The following ARID5B variants were observed in gnomAD, a reference collection of about 807,000 sequenced individuals.
ARID5B encodes the protein AT-rich interactive domain-containing protein 5B.
A neutral mutation model predicts 97.2 loss-of-function variants in ARID5B; 13 were observed. That is an observed-to-expected ratio of 0.13 (90% CI 0.09 to 0.21). The LOEUF (loss-of-function observed/expected upper bound fraction) is 0.21. Among genes scored for constraint, ARID5B ranks in the 10% least tolerant of loss-of-function variants. ARID5B has a pLI of 1.00. For missense variants in ARID5B, 1,210 were observed against 1,465.3 expected, an observed-to-expected ratio of 0.83 and a Z score of 2.84; for synonymous variants, 556 against 570.3, an observed-to-expected ratio of 0.97 and a Z score of 0.36.
chr10:62,057,056 T>C, intron 5 of ARID5B, 61 bp from the exon 6 acceptor site: 2 of 1,538,120 alleles, frequency 1.3e-6, no homozygotes, highest in East Asian at 2.3e-5. Context: ...TCACTAGCTA[T>C]GTCTTGGTAA....
intron 3 of ARID5B, among the ~76,000 whole-genome samples, chr10:61,995,426 T>G (rs903032732): frequency 1.3e-5 from 2 of 152,222 alleles, no homozygotes; most frequent in Non-Finnish European, 2.9e-5. Flanking sequence ...TTGGCTTTAT[T>G]TGTTTCCTGG....
At chr10:61,925,210 A>G (rs765115823) in intron 2 of ARID5B, among the ~76,000 whole-genome samples, 2 of 152,148 alleles carry the variant, frequency 1.3e-5, no homozygotes, top group Non-Finnish European at 2.9e-5. Flanking sequence ...CCAAGAAAAA[A>G]AAAATTAAAT....
intron 9 of ARID5B, 74 bp downstream of exon 9, chr10:62,085,974 C>A: frequency 1.4e-6 from 2 of 1,472,172 alleles, no homozygotes; most frequent in Non-Finnish European, 1.8e-6. Flanking sequence ...AGCCCTGAAT[C>A]CACAGCTGTG....
intron 2 of ARID5B, among the ~76,000 whole-genome samples, chr10:61,911,424 T>C (rs915197989): frequency 6.6e-6 from 1 of 152,242 alleles, no homozygotes; most frequent in Non-Finnish European, 1.5e-5. Flanking sequence ...GCATATGATA[T>C]ATAAAGTATA....
At position 61,928,215 on chromosome 10, in the gene ARID5B, T is replaced by C. The variant is rs139491353; in HGVS notation, c.277-11968T>C. On this transcript the variant is annotated intron_variant, in intron 2 of 9. Coordinates refer to ENST00000279873, the MANE Select transcript of ARID5B (RefSeq NM_032199.3). ...GCTGAGCTGCTCCAGCCCAGGTTCCTGTACTGTGTATCTCTTACGATTCCT... is the reference window on the plus strand; with the variant it reads ...GCTGAGCTGCTCCAGCCCAGGTTCCCGTACTGTGTATCTCTTACGATTCCT... Among the ~76,000 whole-genome samples the C allele has an allele frequency of 9.3e-3, 1,423 of 152,314 alleles. 30 individuals are homozygous for C. Among genetic ancestry groups the C allele is most frequent in the African/African-American group, 0.032 (1,341 of 41,558 alleles).
In ARID5B at chr10:62,089,180, CAA is replaced by C. The variant is rs1840332841; in HGVS notation, c.1399-1681_1399-1680del. On this transcript the variant is annotated intron_variant, in intron 9 of 9. Transcript: ENST00000279873. ...TTTATTTTTGTGTCATGTATAAGCT[CAA>C]GAGACCAATGTGATGATTATTAATG... Among the ~76,000 whole-genome samples the C allele has an allele frequency of 2.0e-5, 3 of 151,978 alleles. No homozygotes were observed. The South Asian group carries it at 6.2e-4, about 32-fold the overall frequency.
chr10:62,029,997 G>A (rs1158651521), intron 4 of ARID5B, among the ~76,000 whole-genome samples: 1 of 152,140 alleles, frequency 6.6e-6, no homozygotes, highest in East Asian at 1.9e-4. Flanking sequence ...AGAGATGATC[G>A]CCCTATGATA....
At chr10:62,086,220 A>C (rs1456793701) in intron 9 of ARID5B, among the ~76,000 whole-genome samples, 1 of 152,214 alleles carries the variant, frequency 6.6e-6, no homozygotes, top group Non-Finnish European at 1.5e-5. Flanking sequence ...CACTAACATC[A>C]AAGAATTTTA....
chr10:61,965,502 T>C (rs1838532086), intron 3 of ARID5B, among the ~76,000 whole-genome samples: 1 of 152,172 alleles, frequency 6.6e-6, no homozygotes, highest in Non-Finnish European at 1.5e-5. Flanking sequence ...TAGGGCAGTA[T>C]GATTACTCTG....
chr10:61,993,563 T>C (rs926972365), intron 3 of ARID5B, among the ~76,000 whole-genome samples: 3 of 152,204 alleles, frequency 2.0e-5, no homozygotes, highest in African/African-American at 7.2e-5. Context: ...GTAATGATAG[T>C]AACAGCTGTA....
intron 2 of ARID5B, among the ~76,000 whole-genome samples, chr10:61,922,331 G>C (rs527600322): frequency 2.7e-4 from 41 of 151,720 alleles, no homozygotes; most frequent in African/African-American, 9.7e-4. Flanking sequence ...GGCCGGGCAT[G>C]GTGGCTCACG....
At chr10:61,934,801 T>G (rs929967298) in intron 2 of ARID5B, among the ~76,000 whole-genome samples, 1 of 151,620 alleles carries the variant, frequency 6.6e-6, no homozygotes, top group African/African-American at 2.4e-5. Flanking sequence ...GATCATGAGG[T>G]CAGGAGTTCG....
At chr10:61,935,251 C>T (rs995609982) in intron 2 of ARID5B, among the ~76,000 whole-genome samples, 1 of 151,976 alleles carries the variant, frequency 6.6e-6, no homozygotes. Flanking sequence ...GAGGTATGCC[C>T]GTACATGGAA....
chr10:61,964,881 C>T (rs536644114), intron 3 of ARID5B, among the ~76,000 whole-genome samples: 4 of 152,280 alleles, frequency 2.6e-5, no homozygotes, highest in Admixed American at 6.5e-5. Flanking sequence ...CGTGTGAATT[C>T]GGAATTCCTT....
At chr10:62,031,018 G>A (rs762076963) in intron 4 of ARID5B, among the ~76,000 whole-genome samples, 4 of 152,078 alleles carry the variant, frequency 2.6e-5, no homozygotes, top group Non-Finnish European at 4.4e-5. Context: ...GGTGGATCAC[G>A]AGGTCAGGAG....
At chr10:61,956,723 G>T (rs1278124883) in intron 3 of ARID5B, among the ~76,000 whole-genome samples, 1 of 152,050 alleles carries the variant, frequency 6.6e-6, no homozygotes, top group Non-Finnish European at 1.5e-5. Context: ...CTCTCAAACT[G>T]TAACTACATT....
At chr10:61,920,065 G>A (rs116322205) in intron 2 of ARID5B, among the ~76,000 whole-genome samples, 2,954 of 152,192 alleles carry the variant, frequency 0.019, 102 homozygotes, top group African/African-American at 0.067. Flanking sequence ...TGAGGCAGTG[G>A]AGTAAAAACA....
At chr10:62,086,545 C>CA (rs1840282973) in intron 9 of ARID5B, among the ~76,000 whole-genome samples, 1 of 151,684 alleles carries the variant, frequency 6.6e-6, no homozygotes, top group Admixed American at 6.6e-5. Flanking sequence ...ACTAAAAATA[C>CA]AAAAAATTAG....
At chr10:62,069,556 A>G (rs1227015585) in intron 7 of ARID5B, 144 bp from the exon 8 acceptor site, 2 of 671,152 alleles carry the variant, frequency 3.0e-6, no homozygotes, top group African/African-American at 3.7e-5. Flanking sequence ...GAAACCATAA[A>G]TCACCCCATA....
Sources: gnomAD v4.1 joint callset for allele counts (sites outside exome capture counted in the v4.1 genomes callset) on GRCh38, gnomAD v4.1.1 for gene constraint, MANE v1.5 for transcripts, NCBI Gene and HGNC (gene_info 2026-07-23, HGNC 2026-07-21) for gene names.